INTS8: variants seen among roughly 807,000 people sequenced by gnomAD.
INTS8 encodes integrator complex subunit 8, also known as protein kaonashi-1.
Under a neutral mutation model 138.9 loss-of-function variants are expected in INTS8, and 47 were observed. The observed-to-expected ratio is 0.34, with a 90% CI of 0.27 to 0.43. INTS8 has a LOEUF of 0.43. Among genes scored for constraint, INTS8 ranks in the 20% least tolerant of loss-of-function variants. The probability of loss-of-function intolerance (pLI) is 1.00; values close to 1 mark genes in which losing one functional copy is unlikely to be tolerated. For synonymous variants in INTS8, 392 were observed against 400.9 expected (o/e 0.98, Z 0.27); for missense variants, 996 against 1,173.0 (o/e 0.85, Z 2.20).
intron 10 of INTS8, among the ~76,000 whole-genome samples, chr8:94,845,029 C>T (rs1434961995): frequency 6.6e-6 from 1 of 152,154 alleles, no homozygotes; most frequent in African/African-American, 2.4e-5. Flanking sequence ...GCTGTGATTA[C>T]AGGCATGAGC....
chr8:94,851,416 A>C, intron 12 of INTS8, 137 bp from the exon 13 acceptor site: 1 of 468,182 alleles, frequency 2.1e-6, no homozygotes, highest in Non-Finnish European at 3.5e-6. Context: ...TAATTTATAC[A>C]ATGTTGAATG....
intron 20 of INTS8, among the ~76,000 whole-genome samples, chr8:94,870,290 A>AT (rs1179777815): frequency 6.6e-6 from 1 of 152,052 alleles, no homozygotes; most frequent in Non-Finnish European, 1.5e-5. Flanking sequence ...TGACCTCGTG[A>AT]TCCACCTGCC....
intron 10 of INTS8, among the ~76,000 whole-genome samples, chr8:94,846,939 C>A (rs1420593598): frequency 6.6e-6 from 1 of 152,116 alleles, no homozygotes; most frequent in Non-Finnish European, 1.5e-5. Flanking sequence ...GGAATAGACC[C>A]AACTAGGTCA....
intron 5 of INTS8, 133 bp from the exon 6 acceptor site, chr8:94,831,859 A>T (rs1563642402): frequency 1.8e-6 from 1 of 559,910 alleles, no homozygotes; most frequent in Non-Finnish European, 3.0e-6. Context: ...CAACAAATGT[A>T]ATTGTACTCT....
At chr8:94,869,408 C>G (rs1053256901) in intron 20 of INTS8, among the ~76,000 whole-genome samples, 2 of 152,214 alleles carry the variant, frequency 1.3e-5, no homozygotes, top group African/African-American at 4.8e-5. Context: ...CTTACTGCAA[C>G]CTCCACCTTC....
intron 21 of INTS8, among the ~76,000 whole-genome samples, chr8:94,873,121 TTGA>T (rs1816455544): frequency 6.6e-6 from 1 of 152,256 alleles, no homozygotes; most frequent in African/African-American, 2.4e-5. Flanking sequence ...TGTCAATTTC[TTGA>T]TATACCGATT....
intron 10 of INTS8, among the ~76,000 whole-genome samples, chr8:94,844,385 C>G (rs1815253446): frequency 6.6e-6 from 1 of 152,122 alleles, no homozygotes; most frequent in African/African-American, 2.4e-5. Flanking sequence ...GGTACAATTT[C>G]AGCTCACTGC....
intron 14 of INTS8, 58 bp from the exon 15 acceptor site, chr8:94,856,719 C>A: frequency 1.4e-6 from 2 of 1,398,536 alleles, no homozygotes; most frequent in Non-Finnish European, 2.0e-6. Context: ...AACATAAAGG[C>A]ACACATTTTT....
intron 20 of INTS8, among the ~76,000 whole-genome samples, chr8:94,869,787 C>G (rs549039136): frequency 2.1e-4 from 32 of 152,064 alleles, no homozygotes; most frequent in Non-Finnish European, 3.2e-4. Flanking sequence ...CACTGCGCCC[C>G]ACCTAATGGT....
In INTS8 at chr8:94,849,551, TTTTTTC is replaced by T. The variant is rs1488942382; in HGVS notation, c.1331+25_1331+30del. 7.3e-7 allele frequency: 1 copy of T among 1,376,488 alleles called. No homozygotes were observed. Among genetic ancestry groups the T allele is most frequent in the Non-Finnish European group, 1.0e-6 (1 of 995,092 alleles). 85.3% of individuals were successfully genotyped at this position (1,376,488 alleles called of 1,614,324 possible). A position where few individuals can be genotyped will look rare whatever the true frequency, so the allele number is the denominator to read the frequency against. On this transcript the variant is annotated intron_variant, in intron 11 of 26. Coordinates refer to ENST00000523731, the MANE Select transcript of INTS8 (RefSeq NM_017864.4). ...TTCTAAAGTAAGTACCTTTCTTTTC[TTTTTTC>T]TTTTTTTTTTTAACTTTGAACTTAG...
At chr8:94,836,408 T>C in intron 6 of INTS8, 116 bp from the exon 7 acceptor site, 1 of 730,006 alleles carries the variant, frequency 1.4e-6, no homozygotes, top group South Asian at 1.9e-5. Flanking sequence ...CCTTGGAATA[T>C]GTGTTTTTTT....
Position 94,876,304 on chromosome 8 carries a change from G to T in INTS8, c.2827+19G>T. 2 of 1,584,080 alleles carry T rather than the reference G, an allele frequency of 1.3e-6. No homozygotes were observed. The highest frequency in any genetic ancestry group is 1.7e-6 in the Non-Finnish European group (2 of 1,154,368). On this transcript the variant is annotated intron_variant, in intron 25 of 26. Coordinates refer to ENST00000523731, the MANE Select transcript of INTS8 (RefSeq NM_017864.4). ...TTGACTTGTATCCTTTCATCCATGTGTGTGATGTTAGAATGATCCATTTTT... is the reference window on the plus strand; with the variant it reads ...TTGACTTGTATCCTTTCATCCATGTTTGTGATGTTAGAATGATCCATTTTT...
intron 15 of INTS8, among the ~76,000 whole-genome samples, chr8:94,858,799 A>T (rs956807074): frequency 8.5e-5 from 13 of 152,214 alleles, no homozygotes; most frequent in Non-Finnish European, 1.5e-4. Context: ...AGTTCCTTTA[A>T]ATCATTAGTC....
intron 16 of INTS8, chr8:94,860,319 C>G (rs1189995781): frequency 6.6e-6 from 1 of 150,962 alleles, no homozygotes; most frequent in African/African-American, 2.4e-5. Flanking sequence ...TGGTGGCTCA[C>G]GCCTGTAATC....
intron 8 of INTS8, among the ~76,000 whole-genome samples, chr8:94,841,231 A>G (rs1329499629): frequency 6.6e-6 from 1 of 152,012 alleles, no homozygotes; most frequent in African/African-American, 2.4e-5. Context: ...TTCTAATAAC[A>G]TAGCTGGATT....
chr8:94,874,112 A>G (rs1816495229), intron 22 of INTS8, among the ~76,000 whole-genome samples: 1 of 152,170 alleles, frequency 6.6e-6, no homozygotes, highest in South Asian at 2.1e-4. Flanking sequence ...AGTATACATT[A>G]TGGTATAATG....
At chr8:94,832,779 C>T (rs1273178151) in intron 6 of INTS8, among the ~76,000 whole-genome samples, 1 of 151,962 alleles carries the variant, frequency 6.6e-6, no homozygotes, top group African/African-American at 2.4e-5. Context: ...CTGAGCCTCC[C>T]GAGTAGCTGG....
At chr8:94,867,634 A>C in intron 20 of INTS8, 3 of 216,468 alleles carry the variant, frequency 1.4e-5, no homozygotes, top group African/African-American at 2.4e-5. Context: ...AGCAATTCTC[A>C]TGCCTCAGCC....
At chr8:94,873,301 C>A in intron 21 of INTS8, 73 bp from the exon 22 acceptor site, 1 of 980,368 alleles carries the variant, frequency 1.0e-6, no homozygotes, top group Non-Finnish European at 1.7e-6. Context: ...GAAGTTACAC[C>A]TGACTCTTTA....
Sources: gnomAD v4.1 joint callset for allele counts (sites outside exome capture counted in the v4.1 genomes callset) on GRCh38, gnomAD v4.1.1 for gene constraint, MANE v1.5 for transcripts, NCBI Gene and HGNC (gene_info 2026-07-23, HGNC 2026-07-21) for gene names.